Variants in MYO1E observed in about 807,000 individuals in gnomAD.
MYO1E encodes myosin IE.
In MYO1E, 68 loss-of-function variants were observed where a neutral mutation model predicts 151.1. The observed-to-expected ratio is 0.45, with a 90% CI of 0.37 to 0.55. The LOEUF (loss-of-function observed/expected upper bound fraction) is 0.55. Ranked by LOEUF, MYO1E falls within the 20% of genes least tolerant of loss-of-function variation. The probability of loss-of-function intolerance (pLI) is 0.00; values close to 1 mark genes in which losing one functional copy is unlikely to be tolerated. For synonymous variants in MYO1E, 601 were observed against 501.7 expected, an observed-to-expected ratio of 1.20 and a Z score of -2.64; for missense variants, 1,363 against 1,389.3, an observed-to-expected ratio of 0.98 and a Z score of 0.30.
At chr15:59,151,887 A>ACT (rs1313688634) in intron 26 of MYO1E, among the ~76,000 whole-genome samples, 1 of 140,668 alleles carries the variant, frequency 7.1e-6, no homozygotes, top group Non-Finnish European at 1.5e-5. Context: ...TCTCTACAAA[A>ACT]ATACACACAC....
intron 1 of MYO1E, among the ~76,000 whole-genome samples, chr15:59,300,649 C>T (rs1473571086): frequency 8.5e-5 from 13 of 152,072 alleles, no homozygotes; most frequent in African/African-American, 2.9e-4. Context: ...AACCTGTGAT[C>T]GCCTTCTAGC....
At chr15:59,177,533 G>C (rs2079632331) in intron 19 of MYO1E, among the ~76,000 whole-genome samples, 1 of 152,168 alleles carries the variant, frequency 6.6e-6, no homozygotes, top group South Asian at 2.1e-4. Context: ...CTTGAAATAG[G>C]TCTTGTGATG....
Position 59,178,486 on chromosome 15 carries a change from C to T in MYO1E, c.1956G>A (p.Lys652=). The T allele has an allele frequency of 6.2e-7, 1 of 1,614,194 alleles. No homozygotes were observed. The highest frequency in any genetic ancestry group is 2.2e-5 in the East Asian group (1 of 44,880). ...ATWPSWQGEE[K]QGVLHLLQSV... ...ACTGCAGCAGGTGCAGGACGCCTTGCTTCTCCTCTCCCTGCCAAGAAGGCC... is the reference window on the plus strand; with the variant it reads ...ACTGCAGCAGGTGCAGGACGCCTTGTTTCTCCTCTCCCTGCCAAGAAGGCC... Residue 652 remains lysine (K), a synonymous_variant, in exon 19 of 28, where the codon AAG becomes AAA. Coordinates refer to ENST00000288235, the MANE Select transcript of MYO1E (RefSeq NM_004998.4).
In MYO1E at chr15:59,277,390, C is replaced by G. The variant is rs535527861; in HGVS notation, c.4-4941G>C. On this transcript the variant is annotated intron_variant, in intron 1 of 27. Coordinates refer to ENST00000288235, the MANE Select transcript of MYO1E (RefSeq NM_004998.4). ...TGAAACCCTGTTTCTACTAAAAATACAAAATTTAGCTGGGCATGGTGGCAT... is the reference window on the plus strand; with the variant it reads ...TGAAACCCTGTTTCTACTAAAAATAGAAAATTTAGCTGGGCATGGTGGCAT... 7.0e-4 allele frequency among the ~76,000 whole-genome samples: 107 copies of G among 151,972 alleles called. 1 individual carries two copies. Among genetic ancestry groups the G allele is most frequent in the African/African-American group, 2.5e-3 (104 of 41,418 alleles).
At chr15:59,252,907 G>C (rs1370522935) in intron 4 of MYO1E, among the ~76,000 whole-genome samples, 1 of 152,000 alleles carries the variant, frequency 6.6e-6, no homozygotes, top group East Asian at 1.9e-4. Flanking sequence ...AAAAGCAAAG[G>C]AAAAAGAAAA....
rs1205310184 is a variant in MYO1E at position 59,350,444 on chromosome 15, G to T, written c.3+22054C>A. Among the ~76,000 whole-genome samples the T allele has an allele frequency of 6.6e-6, 1 of 152,220 alleles. No individual in the cohort carries two copies. The highest frequency in any genetic ancestry group is 2.4e-5 in the African/African-American group (1 of 41,454). ...TGTAGATGAAATTGAAAAGGATAAA[G>T]GGTACAGCCTCTATCATTGAATAAA... On this transcript the variant is annotated intron_variant, in intron 1 of 27. Transcript: ENST00000288235. This position sits in a 1 kb window ranked among gnomAD's most constrained non-coding sequence, Gnocchi z 5.0.
chr15:59,134,901 G>A lies in MYO1E; in HGVS notation c.*2479C>T, dbSNP rs1478686593. On this transcript the variant is annotated 3_prime_UTR_variant, in exon 28 of 28. Coordinates refer to ENST00000288235, the MANE Select transcript of MYO1E (RefSeq NM_004998.4). Reference sequence around the variant, plus strand: ...AGGAAACCCAGGTTAGTGTCTTAAAGGGAAAAAAGACATTTTTCTGAAGAC... The same window carrying A: ...AGGAAACCCAGGTTAGTGTCTTAAAAGGAAAAAAGACATTTTTCTGAAGAC... 1 of 152,024 alleles carries A rather than the reference G, an allele frequency of 6.6e-6. No homozygotes were observed. The highest frequency in any genetic ancestry group is 1.5e-5 in the Non-Finnish European group (1 of 67,990). 9.4% of individuals were successfully genotyped at this position (152,024 alleles called of 1,614,324 possible). A position where few individuals can be genotyped will look rare whatever the true frequency, so the allele number is the denominator to read the frequency against.
In MYO1E at chr15:59,195,520, G is replaced by C; in HGVS notation, c.1746C>G (p.His582Gln). Residue 582 changes from histidine (H) to glutamine (Q), a missense_variant, in exon 17 of 28, where the codon CAC becomes CAG. His to Gln is a conservative substitution (Grantham distance 24). Coordinates refer to ENST00000288235, the MANE Select transcript of MYO1E (RefSeq NM_004998.4). Reference sequence around the variant, plus strand: ...CGTTTGGCTTGATGCAGCGAATGTAGTGGGGCGTACATTTCATCAGGGTGC... The same window carrying C: ...CGTTTGGCTTGATGCAGCGAATGTACTGGGGCGTACATTTCATCAGGGTGC... ...LVSTLMKCTPHYIRCIKPNET... is the reference protein window; with the variant it reads ...LVSTLMKCTPQYIRCIKPNET... The C allele has an allele frequency of 1.2e-6, 2 of 1,614,170 alleles. No homozygotes were observed. The highest frequency in any genetic ancestry group is 1.7e-6 in the Non-Finnish European group (2 of 1,180,016).
At chr15:59,268,720 A>ATTTTTTTTT (rs398027512) in intron 2 of MYO1E, among the ~76,000 whole-genome samples, 6,545 of 44,760 alleles carry the variant, frequency 0.15, 2,479 homozygotes, top group East Asian at 0.4. Context: ...TGACTTTGGT[A>ATTTTTTTTT]TTTTTTTTTT....
rs752229218 is a variant in MYO1E, at chr15:59,210,569, G to T, written c.1307C>A (p.Thr436Lys). The part of the protein sequence containing the change: ...EEYVQEGIRW[T>K]PIEYFNNKIV... ...TTTATTATTAAAGTACTCAATGGGT[G>T]TCCATCTTATTCCCTCTTGAACATA... Residue 436 changes from threonine (T) to lysine (K), a missense_variant, in exon 13 of 28, where the codon ACA (threonine) becomes AAA (lysine). Physicochemically the swap from Thr to Lys is moderately conservative, Grantham distance 78 (BLOSUM62 -1). Coordinates refer to ENST00000288235, the MANE Select transcript of MYO1E (RefSeq NM_004998.4). The T allele has an allele frequency of 6.2e-6, 10 of 1,604,888 alleles. No individual in the cohort carries two copies. The highest frequency in any genetic ancestry group is 8.5e-6 in the Non-Finnish European group (10 of 1,171,554).
At chr15:59,299,014 AGCCTG>A (rs545290468) in intron 1 of MYO1E, among the ~76,000 whole-genome samples, 10 of 152,370 alleles carry the variant, frequency 6.6e-5, no homozygotes, top group African/African-American at 2.2e-4. Flanking sequence ...TCAGAAAAAA[AGCCTG>A]GTCTCTATGG....
chr15:59,213,743 G>A (rs966394536), intron 12 of MYO1E, among the ~76,000 whole-genome samples: 5 of 152,138 alleles, frequency 3.3e-5, no homozygotes, highest in Admixed American at 6.5e-5. Flanking sequence ...TTACAGGCAC[G>A]AGCCACAGCA....
intron 10 of MYO1E, among the ~76,000 whole-genome samples, 161 bp from the exon 11 acceptor site, chr15:59,214,881 C>G (rs1046833718): frequency 1.3e-5 from 2 of 152,192 alleles, no homozygotes; most frequent in African/African-American, 4.8e-5. Flanking sequence ...AACAATCTCT[C>G]AGTCCAAAGT....
chr15:59,317,892 CACA>C (rs1189894497), intron 1 of MYO1E, among the ~76,000 whole-genome samples: 1 of 151,972 alleles, frequency 6.6e-6, no homozygotes, highest in Admixed American at 6.5e-5. Flanking sequence ...ATAAGGCAGG[CACA>C]ATTATTGTCA....
intron 13 of MYO1E, among the ~76,000 whole-genome samples, chr15:59,210,241 C>T (rs1235835999): frequency 6.6e-6 from 1 of 152,030 alleles, no homozygotes; most frequent in Non-Finnish European, 1.5e-5. Flanking sequence ...TCTTTCCATG[C>T]TAAGTCATCA....
chr15:59,297,166 C>T (rs1014333641), intron 1 of MYO1E, among the ~76,000 whole-genome samples: 16 of 151,664 alleles, frequency 1.1e-4, no homozygotes, highest in African/African-American at 2.9e-4. Context: ...AATTTAACAT[C>T]GATAGAATAC....
At chr15:59,294,500 T>C (rs1298724019) in intron 1 of MYO1E, among the ~76,000 whole-genome samples, 1 of 152,240 alleles carries the variant, frequency 6.6e-6, no homozygotes, top group Non-Finnish European at 1.5e-5. Flanking sequence ...TAGTGAGAGA[T>C]AGCTGTGCTT....
intron 12 of MYO1E, chr15:59,212,756 GC>G (rs2079887131): frequency 6.6e-6 from 1 of 152,168 alleles, no homozygotes; most frequent in African/African-American, 2.4e-5. Flanking sequence ...CAGATGAACA[GC>G]CCTGGCTAAA....
chr15:59,205,507 T>C (rs759470531), intron 14 of MYO1E, 22 bp from the exon 15 acceptor site: 8 of 1,585,362 alleles, frequency 5.0e-6, no homozygotes, highest in Non-Finnish European at 6.9e-6. Context: ...TGGAAAGAAA[T>C]CGAATTTCAT....
Sources: gnomAD v4.1 joint callset for allele counts (sites outside exome capture counted in the v4.1 genomes callset) on GRCh38, gnomAD v4.1.1 for gene constraint, Gnocchi (gnomAD v3.1) non-coding constraint, MANE v1.5 for transcripts, NCBI Gene and HGNC (gene_info 2026-07-23, HGNC 2026-07-21) for gene names.